Variants in METTL15 observed in about 807,000 individuals in gnomAD.
The protein encoded by METTL15 is methyltransferase 15, mitochondrial 12S rRNA N4-cytidine.
In METTL15, 34 loss-of-function variants were observed where a neutral mutation model predicts 38.3. That is an observed-to-expected ratio of 0.89 (90% CI 0.68 to 1.18). METTL15 has a LOEUF of 1.18. METTL15 is among the 50% of genes most tolerant of loss of function. The pLI, the probability that METTL15 is intolerant of heterozygous loss-of-function variation, is 0.00. For missense variants in METTL15, 438 were observed against 498.4 expected (o/e 0.88, Z 1.15); for synonymous variants, 162 against 170.9 (o/e 0.95, Z 0.41).
At chr11:28,348,849 T>G (rs1301538877) in intron 3 of METTL15, among the ~76,000 whole-genome samples, 2 of 152,220 alleles carry the variant, frequency 1.3e-5, no homozygotes, top group South Asian at 4.1e-4. Context: ...AGCTTACTTC[T>G]GTGTTCTTTT....
intron 6 of METTL15, among the ~76,000 whole-genome samples, chr11:28,477,102 T>A (rs1490009032): frequency 6.6e-6 from 1 of 152,188 alleles, no homozygotes; most frequent in East Asian, 1.9e-4. Flanking sequence ...ATCCCCAGAC[T>A]TGTGCTGTTG....
chr11:28,506,664 C>A (rs916199020), intron 6 of METTL15, among the ~76,000 whole-genome samples: 1 of 151,636 alleles, frequency 6.6e-6, no homozygotes, highest in Non-Finnish European at 1.5e-5. Flanking sequence ...TGGCCTGTAT[C>A]CCTTTTGCTG....
chr11:28,382,219 A>G (rs1850393939), intron 5 of METTL15, among the ~76,000 whole-genome samples: 1 of 152,180 alleles, frequency 6.6e-6, no homozygotes, highest in Non-Finnish European at 1.5e-5. Context: ...CGAGCAAACC[A>G]CTTACAGTGT....
chr11:28,424,549 T>C (rs1217151090), intron 6 of METTL15, among the ~76,000 whole-genome samples: 1 of 152,218 alleles, frequency 6.6e-6, no homozygotes, highest in Non-Finnish European at 1.5e-5. Context: ...AGCATTAGCA[T>C]GGGCTCTTCA....
At chr11:28,517,685 A>G (rs1453189017) in intron 6 of METTL15, among the ~76,000 whole-genome samples, 4 of 152,168 alleles carry the variant, frequency 2.6e-5, no homozygotes, top group African/African-American at 9.7e-5. Flanking sequence ...CGCTCTTTCC[A>G]TTCTCAACTG....
At chr11:28,290,523 A>G (rs1856471439) in intron 5 of METTL15, 126 bp downstream of exon 5, 4 of 806,132 alleles carry the variant, frequency 5.0e-6, no homozygotes, top group African/African-American at 1.7e-5. Flanking sequence ...CCAATACATA[A>G]TAAATCAGTT....
At chr11:28,342,903 G>A (rs1849965600) in intron 3 of METTL15, among the ~76,000 whole-genome samples, 1 of 152,142 alleles carries the variant, frequency 6.6e-6, no homozygotes, top group Non-Finnish European at 1.5e-5. Flanking sequence ...ATTTGATAAT[G>A]TGCTTTTGAA....
chr11:28,356,413 G>A (rs896149878), intron 4 of METTL15, among the ~76,000 whole-genome samples: 3 of 152,138 alleles, frequency 2.0e-5, no homozygotes, highest in African/African-American at 7.2e-5. Flanking sequence ...CTGTATACAA[G>A]TATATGGGAA....
intron 5 of METTL15, among the ~76,000 whole-genome samples, chr11:28,413,633 G>C (rs1364594966): frequency 2.6e-5 from 4 of 152,098 alleles, no homozygotes; most frequent in South Asian, 2.1e-4. Context: ...GAAGAGAAAG[G>C]GTTGGTCAGA....
At chr11:28,363,455 A>G (rs1336614155) in intron 5 of METTL15, among the ~76,000 whole-genome samples, 2 of 152,180 alleles carry the variant, frequency 1.3e-5, no homozygotes, top group Admixed American at 1.3e-4. Context: ...TACAGACATG[A>G]GCCACTGCAC....
At position 28,513,013 on chromosome 11, in the gene METTL15, G is replaced by A. The variant is rs1192257170; in HGVS notation, c.*425-13465G>A. Among the ~76,000 whole-genome samples, 4 of 152,194 alleles carry A rather than the reference G, an allele frequency of 2.6e-5. No homozygotes were observed. The East Asian group carries it at 7.7e-4, about 29-fold the overall frequency. ...GTCCTGCTTTCTCAGGGGTGGCAGA[G>A]GAGAAAGAAAATTTGCATGTAAGTG... On this transcript the variant is annotated intron_variant and NMD_transcript_variant, in intron 6 of 7. Transcript: ENST00000532947.
chr11:28,164,885 T>G (rs1850601822), intron 3 of METTL15, among the ~76,000 whole-genome samples: 1 of 152,102 alleles, frequency 6.6e-6, no homozygotes, highest in Admixed American at 6.6e-5. Context: ...TGGTAACCAC[T>G]GTTCTACTCT....
At chr11:28,124,519 A>G (rs1227804629) in intron 3 of METTL15, among the ~76,000 whole-genome samples, 1 of 152,126 alleles carries the variant, frequency 6.6e-6, no homozygotes, top group African/African-American at 2.4e-5. Flanking sequence ...CAGAAGATAA[A>G]TTGCTCAAAG....
intron 3 of METTL15, among the ~76,000 whole-genome samples, chr11:28,158,028 G>A (rs1388510752): frequency 6.6e-6 from 1 of 152,204 alleles, no homozygotes. Flanking sequence ...TGCACTTTGA[G>A]TGGAAGGAGA....
chr11:28,256,723 AT>A (rs1565205483), intron 4 of METTL15, among the ~76,000 whole-genome samples: 1 of 151,358 alleles, frequency 6.6e-6, no homozygotes, highest in Non-Finnish European at 1.5e-5. Context: ...AATCTTTATT[AT>A]TTATTTTCTT....
chr11:28,433,620 T>A (rs1448322412), intron 6 of METTL15, among the ~76,000 whole-genome samples: 2 of 152,176 alleles, frequency 1.3e-5, no homozygotes, highest in Non-Finnish European at 2.9e-5. Flanking sequence ...GAGTGTTAGA[T>A]TTGATGATGG....
chr11:28,355,885 C>T (rs992067954), intron 4 of METTL15, among the ~76,000 whole-genome samples: 2 of 151,956 alleles, frequency 1.3e-5, no homozygotes, highest in Non-Finnish European at 2.9e-5. Context: ...ATTTGGAGTC[C>T]CCATACCTTT....
At chr11:28,510,695 A>C (rs1176126212) in intron 6 of METTL15, among the ~76,000 whole-genome samples, 1 of 152,206 alleles carries the variant, frequency 6.6e-6, no homozygotes, top group African/African-American at 2.4e-5. Context: ...AATCATGTTA[A>C]GTATGCAAAC....
chr11:28,386,718 C>T (rs764316993), intron 5 of METTL15, among the ~76,000 whole-genome samples: 2 of 151,930 alleles, frequency 1.3e-5, no homozygotes, highest in Non-Finnish European at 2.9e-5. Flanking sequence ...TTGCACCTAA[C>T]AGACACATAT....
Sources: gnomAD v4.1 joint callset for allele counts (sites outside exome capture counted in the v4.1 genomes callset) on GRCh38, gnomAD v4.1.1 for gene constraint, MANE v1.5 for transcripts, NCBI Gene and HGNC (gene_info 2026-07-23, HGNC 2026-07-21) for gene names.